Variants in H2AZ2 observed in about 807,000 individuals in gnomAD.
H2AZ2 encodes histone H2A.V.
H2AZ2 carries 5 observed loss-of-function variants against 15.5 expected under a neutral mutation model. That is an observed-to-expected ratio of 0.32 (90% confidence interval 0.17 to 0.68). H2AZ2 has a LOEUF of 0.68. Among genes scored for constraint, H2AZ2 ranks in the 30% least tolerant of loss-of-function variants. The probability of loss-of-function intolerance (pLI) is 0.72; values close to 1 mark genes in which losing one functional copy is unlikely to be tolerated. For missense variants in H2AZ2, 42 were observed against 162.5 expected (o/e 0.26, Z 4.03); for synonymous variants, 44 against 57.4 (o/e 0.77, Z 1.05).
intron 3 of H2AZ2, among the ~76,000 whole-genome samples, chr7:44,838,860 C>T (rs532177966): frequency 1.2e-3 from 176 of 152,220 alleles, no homozygotes; most frequent in Non-Finnish European, 2.0e-3. Flanking sequence ...CCAATCACAT[C>T]TCCCCAAGTA....
intron 1 of H2AZ2, among the ~76,000 whole-genome samples, chr7:44,847,510 C>T (rs1254039682): frequency 6.6e-6 from 1 of 152,198 alleles, no homozygotes; most frequent in East Asian, 1.9e-4. Flanking sequence ...CAAATACAAG[C>T]ACCCTTTCGC....
chr7:44,844,652 C>T (rs1243186716), intron 1 of H2AZ2, among the ~76,000 whole-genome samples: 1 of 152,122 alleles, frequency 6.6e-6, no homozygotes, highest in Admixed American at 6.6e-5. Context: ...CTGCGCCTGG[C>T]CGAGTTATTG....
At chr7:44,830,190 A>G, downstream of H2AZ2, 6 of 1,611,366 alleles carry the variant, frequency 3.7e-6, no homozygotes, top group Non-Finnish European at 5.1e-6. Context: ...GGACAAATAG[A>G]GAATAAAAAC....
chr7:44,847,925 G>A (rs757574833), intron 1 of H2AZ2, 44 bp downstream of exon 1: 4 of 1,528,446 alleles, frequency 2.6e-6, no homozygotes, highest in Non-Finnish European at 3.5e-6. Context: ...TCCGCGCTCT[G>A]CTCTCCCAGG....
chr7:44,836,160 C>T lies in H2AZ2; in HGVS notation c.196-502G>A, dbSNP rs139178694. Among the ~76,000 whole-genome samples, 511 of 151,864 alleles carry T rather than the reference C, an allele frequency of 3.4e-3. 4 individuals are homozygous for T. Among genetic ancestry groups the T allele is most frequent in the African/African-American group, 0.012 (499 of 41,422 alleles). On this transcript the variant is annotated intron_variant, in intron 3 of 4. Coordinates refer to ENST00000308153, the MANE Select transcript of H2AZ2 (RefSeq NM_012412.5). ...TTGTTTTTTGTAGACACAAGGTTTCCCCACGTTGCCCAGGCTGGTCTCAGA... is the reference window on the plus strand; with the variant it reads ...TTGTTTTTTGTAGACACAAGGTTTCTCCACGTTGCCCAGGCTGGTCTCAGA...
intron 3 of H2AZ2, among the ~76,000 whole-genome samples, chr7:44,837,831 A>G (rs866526483): frequency 0.027 from 1,439 of 53,964 alleles, 22 homozygotes; most frequent in African/African-American, 0.056. Flanking sequence ...TTTAAAAAAA[A>G]GGGGGGGGGG....
At chr7:44,847,831 G>T in intron 1 of H2AZ2, 138 bp downstream of exon 1, 1 of 1,183,964 alleles carries the variant, frequency 8.4e-7, no homozygotes, top group Non-Finnish European at 1.1e-6. Flanking sequence ...GCGCCCCCCG[G>T]CGGGCGGCGA....
chr7:44,837,606 T>A (rs1327338689), intron 3 of H2AZ2, among the ~76,000 whole-genome samples: 1 of 150,238 alleles, frequency 6.7e-6, no homozygotes, highest in Non-Finnish European at 1.5e-5. Context: ...TCATCCCACC[T>A]CACCCTCTCC....
chr7:44,834,312 C>G lies in H2AZ2; in HGVS notation c.*189G>C, dbSNP rs1232267331. ...CTAGCCAATCAACACACAACTGTCA[C>G]CACATGAAAAGGTACTTTTATCAAA... is the stretch of plus-strand genomic sequence containing the variant. On this transcript the variant is annotated 3_prime_UTR_variant, in exon 5 of 5. Transcript: ENST00000308153. 7.6e-7 allele frequency: 1 copy of G among 1,324,186 alleles called. No homozygotes were observed. Among genetic ancestry groups the G allele is most frequent in the African/African-American group, 1.5e-5 (1 of 68,274 alleles). 82.0% of individuals were successfully genotyped at this position (1,324,186 alleles called of 1,614,324 possible). A position where few individuals can be genotyped will look rare whatever the true frequency, so the allele number is the denominator to read the frequency against.
downstream of H2AZ2, among the ~76,000 whole-genome samples, chr7:44,831,537 C>A (rs546287479): frequency 1.3e-3 from 205 of 151,968 alleles, no homozygotes; most frequent in African/African-American, 4.0e-3. Context: ...CACTCCCCCC[C>A]CCGCTTCTTT....
downstream of H2AZ2, among the ~76,000 whole-genome samples, chr7:44,831,353 CTA>C (rs1378639461): frequency 3.9e-5 from 6 of 151,966 alleles, no homozygotes; most frequent in South Asian, 2.1e-4. Context: ...TGTTCTATTT[CTA>C]TGTTTTTTGT....
chr7:44,829,215 T>C (rs545788247), downstream of H2AZ2: 14 of 152,354 alleles, frequency 9.2e-5, no homozygotes, highest in African/African-American at 3.4e-4. Flanking sequence ...ACTTTTGCAG[T>C]ACTCTGTCCT....
chr7:44,838,230 C>T (rs1793179430), intron 3 of H2AZ2, among the ~76,000 whole-genome samples: 1 of 152,074 alleles, frequency 6.6e-6, no homozygotes, highest in Non-Finnish European at 1.5e-5. Context: ...ACCTCAGCCT[C>T]CCAAAGTGCT....
At chr7:44,846,004 GGTT>G (rs1793388663) in intron 1 of H2AZ2, among the ~76,000 whole-genome samples, 1 of 140,012 alleles carries the variant, frequency 7.1e-6, no homozygotes, top group African/African-American at 2.6e-5. Flanking sequence ...CCTGAGTTAA[GGTT>G]GTTGGTTTTA....
chr7:44,841,113 T>A, intron 2 of H2AZ2, 101 bp from the exon 3 acceptor site: 1 of 832,114 alleles, frequency 1.2e-6, no homozygotes, highest in Non-Finnish European at 1.9e-6. Context: ...ATAAAAAACT[T>A]GATCACACAT....
At chr7:44,843,539 A>G (rs1793327938) in intron 1 of H2AZ2, among the ~76,000 whole-genome samples, 185 bp from the exon 2 acceptor site, 1 of 152,162 alleles carries the variant, frequency 6.6e-6, no homozygotes, top group Non-Finnish European at 1.5e-5. Context: ...AAGAAATCAA[A>G]CCTTAAACAC....
chr7:44,846,325 A>G (rs1793405077), intron 1 of H2AZ2, among the ~76,000 whole-genome samples: 1 of 152,182 alleles, frequency 6.6e-6, no homozygotes, highest in Non-Finnish European at 1.5e-5. Context: ...AATATCTGAA[A>G]AACTAGAATT....
In H2AZ2 at chr7:44,833,680, A is replaced by C; in HGVS notation, c.*821T>G. The C allele has an allele frequency of 2.0e-6, 2 of 985,442 alleles. No homozygotes were observed. Among genetic ancestry groups the C allele is most frequent in the African/African-American group, 3.5e-5 (2 of 57,382 alleles). The allele number at this position is 985,442 out of a possible 1,614,324, so 61.0% of individuals were successfully genotyped here. On this transcript the variant is annotated 3_prime_UTR_variant, in exon 5 of 5. Transcript: ENST00000308153. ...ATTGGGATTTTAAACCAAAAGGAGA[A>C]ACCTTTGATAAACTGAACATCAATT...
In H2AZ2 at chr7:44,840,139, G is replaced by A. The variant is rs562222661; in HGVS notation, c.195+760C>T. ...AACCCAGGAGGTTTGAGGTTGGAGT[G>A]AGCTATGATCATGCCACTATACTCC... On this transcript the variant is annotated intron_variant, in intron 3 of 4. Coordinates refer to ENST00000308153, the MANE Select transcript of H2AZ2 (RefSeq NM_012412.5). Among the ~76,000 whole-genome samples, 35 of 152,142 alleles carry A rather than the reference G, an allele frequency of 2.3e-4. 1 individual carries two copies. Among genetic ancestry groups the A allele is most frequent in the Admixed American group, 2.2e-3 (34 of 15,278 alleles).
Sources: gnomAD v4.1 joint callset for allele counts (sites outside exome capture counted in the v4.1 genomes callset) on GRCh38, gnomAD v4.1.1 for gene constraint, MANE v1.5 for transcripts, NCBI Gene and HGNC (gene_info 2026-07-23, HGNC 2026-07-21) for gene names.